ADAM8: variants seen among roughly 807,000 people sequenced by gnomAD.
ADAM8 encodes the protein ADAM metallopeptidase domain 8.
In ADAM8, 104 loss-of-function variants were observed where a neutral mutation model predicts 102.4. The ratio of observed to expected loss-of-function variants is 1.02; its 90% CI spans 0.87 to 1.20. ADAM8 has a LOEUF of 1.20. ADAM8 is among the 50% of genes most tolerant of loss of function. The pLI, the probability that ADAM8 is intolerant of heterozygous loss-of-function variation, is 0.00. For synonymous variants in ADAM8, 517 were observed against 485.2 expected (o/e 1.07, Z -0.86); for missense variants, 1,132 against 1,159.0 (o/e 0.98, Z 0.34).
intron 1 of ADAM8, chr10:133,275,933 G>A (rs1170800078): frequency 8.0e-6 from 2 of 249,158 alleles, no homozygotes; most frequent in East Asian, 7.6e-5. Flanking sequence ...AGGAGGACTC[G>A]GGCCGCCGAC....
intron 20 of ADAM8, 44 bp downstream of exon 20, chr10:133,267,885 G>C (rs1449281903): frequency 8.0e-7 from 1 of 1,256,246 alleles, no homozygotes; most frequent in East Asian, 3.1e-5. Flanking sequence ...ATGGGGCCTG[G>C]GCACTGCTTT....
In ADAM8 at chr10:133,270,435, C is replaced by T. The variant is rs775480386; in HGVS notation, c.1710G>A (p.Val570=). 40 of 1,606,738 alleles carry T rather than the reference C, an allele frequency of 2.5e-5. No individual in the cohort carries two copies. The South Asian group carries it at 4.1e-4, about 16-fold the overall frequency. Residue 570 remains valine, a synonymous_variant, in exon 16 of 23, where the codon GTG becomes GTA. Transcript: ENST00000445355. ...PLGRAICIVD[V]CHALTTEDGT... is the part of the protein sequence containing the mutation. ...CATCCTCTGTGGTGAGCGCGTGGCA[C>T]ACATCCACGATGCAGATGGCACGCC...
intron 8 of ADAM8, 57 bp downstream of exon 8, chr10:133,272,741 C>A: frequency 7.2e-7 from 1 of 1,387,678 alleles, no homozygotes; most frequent in Admixed American, 2.4e-5. Context: ...TGTGGCAACA[C>A]CCCCCCCACC....
chr10:133,271,717 G>A lies in ADAM8; in HGVS notation c.1107-12C>T, dbSNP rs1016009243. The A allele has an allele frequency of 7.1e-6, 11 of 1,547,686 alleles. No homozygotes were observed. The highest frequency in any genetic ancestry group is 1.4e-5 in the African/African-American group (1 of 73,070). Reference sequence around the variant, plus strand: ...TGGGGAAACTGGAGCTGGGGAGGCGGGGCAGCATTGGGGGAGGCGGCCTGG... The same window carrying A: ...TGGGGAAACTGGAGCTGGGGAGGCGAGGCAGCATTGGGGGAGGCGGCCTGG... On this transcript the variant is annotated splice_polypyrimidine_tract_variant and intron_variant, in intron 11 of 22. Coordinates refer to ENST00000445355, the MANE Select transcript of ADAM8 (RefSeq NM_001109.5).
chr10:133,265,808 AAG>A (rs1846308140), intron 21 of ADAM8, among the ~76,000 whole-genome samples: 1 of 152,104 alleles, frequency 6.6e-6, no homozygotes, highest in South Asian at 2.1e-4. Flanking sequence ...AAAAAAAAAA[AAG>A]AGAGAAAATC....
At chr10:133,269,560 C>A in intron 17 of ADAM8, 31 bp from the exon 18 acceptor site, 1 of 1,559,996 alleles carries the variant, frequency 6.4e-7, no homozygotes. Flanking sequence ...AGGGCCAACC[C>A]TGTTGTGGAC....
chr10:133,265,017 C>T (rs1354987785), intron 21 of ADAM8, among the ~76,000 whole-genome samples: 4 of 143,822 alleles, frequency 2.8e-5, no homozygotes, highest in African/African-American at 2.6e-5. Flanking sequence ...CCCCATCTAC[C>T]TCCACGCCCG....
At position 133,272,875 on chromosome 10, in the gene ADAM8, A is replaced by G. The variant is rs756846820; in HGVS notation, c.637-9T>C. On this transcript the variant is annotated splice_polypyrimidine_tract_variant and intron_variant, in intron 7 of 22. Coordinates refer to ENST00000445355, the MANE Select transcript of ADAM8 (RefSeq NM_001109.5). Reference sequence around the variant, plus strand: ...CTCCCCAGCATCTGGAACTGGGGACACGAGACCCTCAGGCTGGAGCCCACA... The same window carrying G: ...CTCCCCAGCATCTGGAACTGGGGACGCGAGACCCTCAGGCTGGAGCCCACA... The G allele has an allele frequency of 1.9e-6, 3 of 1,611,366 alleles. No individual in the cohort carries two copies. Among genetic ancestry groups the G allele is most frequent in the South Asian group, 2.2e-5 (2 of 91,024 alleles).
intron 18 of ADAM8, 124 bp downstream of exon 18, chr10:133,269,321 C>T: frequency 7.9e-7 from 1 of 1,268,354 alleles, no homozygotes; most frequent in Non-Finnish European, 1.1e-6. Context: ...GTGTCGATGC[C>T]TGTGGCAGCA....
chr10:133,274,344 GC>G, intron 2 of ADAM8, 109 bp from the exon 3 acceptor site: 1 of 843,468 alleles, frequency 1.2e-6, no homozygotes, highest in Non-Finnish European at 1.6e-6. Flanking sequence ...CCGGCCTCCA[GC>G]CCCAGGTCAA....
intron 21 of ADAM8, among the ~76,000 whole-genome samples, chr10:133,265,501 C>T (rs1203270635): frequency 6.6e-6 from 1 of 152,038 alleles, no homozygotes; most frequent in Admixed American, 6.6e-5. Flanking sequence ...AATAGAAAAT[C>T]ACTATTAGGG....
At chr10:133,275,893 C>T (rs2995316) in intron 1 of ADAM8, 294,397 of 330,556 alleles carry the variant, frequency 0.89, 131,251 homozygotes, top group East Asian at 0.92. Context: ...TGGAGGGGCC[C>T]GAGGGCAAGG....
At chr10:133,267,818 G>A (rs1846372908) in intron 20 of ADAM8, 111 bp downstream of exon 20, 1 of 1,085,772 alleles carries the variant, frequency 9.2e-7, no homozygotes, top group South Asian at 3.2e-5. Flanking sequence ...CCGCTGGCCT[G>A]TGCGTGAATT....
chr10:133,263,284 G>T, intron 22 of ADAM8, 51 bp from the exon 23 acceptor site: 2 of 1,505,118 alleles, frequency 1.3e-6, no homozygotes, highest in Non-Finnish European at 1.8e-6. Context: ...GCTATAAAAG[G>T]TATATAAAGG....
rs988313428 is a variant in ADAM8 at position 133,268,917 on chromosome 10, C to G, written c.1949-55G>C. ...GGCAGGCCGCGACCTCAGGCAGGAGCCAGGGAGGTTCCCAGAGACACGGTC... is the reference window on the plus strand; with the variant it reads ...GGCAGGCCGCGACCTCAGGCAGGAGGCAGGGAGGTTCCCAGAGACACGGTC... On this transcript the variant is annotated intron_variant, in intron 18 of 22. Coordinates refer to ENST00000445355, the MANE Select transcript of ADAM8 (RefSeq NM_001109.5). 6.4e-6 allele frequency: 10 copies of G among 1,573,498 alleles called. No homozygotes were observed. In the African/African-American group the frequency reaches 9.4e-5, roughly 15 times the overall value.
Position 133,263,665 on chromosome 10 carries a change from C to T in ADAM8, c.2397+23G>A, listed in dbSNP as rs555272126. 266 of 1,536,748 alleles carry T rather than the reference C, an allele frequency of 1.7e-4. 3 individuals carry two copies. The South Asian group carries it at 3.1e-3, about 18-fold the overall frequency. On this transcript the variant is annotated intron_variant, in intron 22 of 22. Coordinates refer to ENST00000445355, the MANE Select transcript of ADAM8 (RefSeq NM_001109.5). The stretch of plus-strand genomic sequence containing the variant: ...GCCGTCCATTGCACAGTGGACTCTG[C>T]CTGGTGTGTGCTGGGGCCTCACCTC...
intron 18 of ADAM8, 90 bp from the exon 19 acceptor site, chr10:133,268,952 A>G: frequency 6.6e-7 from 1 of 1,525,440 alleles, no homozygotes; most frequent in Non-Finnish European, 8.8e-7. Context: ...CTTTCTCAGC[A>G]CCCCCAGGCT....
rs1160813441 is a variant in ADAM8, at chr10:133,267,975, G to A, written c.2207C>T (p.Ala736Val). ...LVPTTHPGQP[A>V]RHPASSVALK... is the part of the protein sequence containing the mutation. ...AGCCACCGAGGAGGCCGGGTGTCGG[G>A]CGGGCTGGCCCGGGTGGGTGGTGGG... Residue 736 changes from alanine (A) to valine (V), a missense_variant, in exon 20 of 23, where the codon GCC (alanine) becomes GTC (valine). Transcript: ENST00000445355. 2 of 1,262,036 alleles carry A rather than the reference G, an allele frequency of 1.6e-6. No individual in the cohort carries two copies. The highest frequency in any genetic ancestry group is 1.5e-5 in the African/African-American group (1 of 65,000). 78.2% of individuals were successfully genotyped at this position (1,262,036 alleles called of 1,614,324 possible). A position where few individuals can be genotyped will look rare whatever the true frequency, so the allele number is the denominator to read the frequency against.
In ADAM8 at chr10:133,269,545, G is replaced by T; in HGVS notation, c.1864-16C>A. 1 of 1,583,624 alleles carries T rather than the reference G, an allele frequency of 6.3e-7. No individual in the cohort carries two copies. The highest frequency in any genetic ancestry group is 2.3e-5 in the East Asian group (1 of 44,382). On this transcript the variant is annotated splice_polypyrimidine_tract_variant and intron_variant, in intron 17 of 22. Coordinates refer to ENST00000445355, the MANE Select transcript of ADAM8 (RefSeq NM_001109.5). ...GGTTGCACACCTGCGGGGACGGCTG[G>T]GCTCAGGGCCAACCCTGTTGTGGAC...
Sources: gnomAD v4.1 joint callset for allele counts (sites outside exome capture counted in the v4.1 genomes callset) on GRCh38, gnomAD v4.1.1 for gene constraint, MANE v1.5 for transcripts, NCBI Gene and HGNC (gene_info 2026-07-23, HGNC 2026-07-21) for gene names.